The following HMG20A variants were observed in gnomAD, a reference collection of about 807,000 sequenced individuals.
HMG20A encodes high mobility group protein 20A.
In HMG20A, 17 loss-of-function variants were observed where a neutral mutation model predicts 43.9. The ratio of observed to expected loss-of-function variants is 0.39; its 90% confidence interval spans 0.27 to 0.58. The LOEUF is 0.58. HMG20A is among the 20% of genes least tolerant of loss of function. The pLI is 0.59. For synonymous variants in HMG20A, 132 were observed against 147.5 expected, an observed-to-expected ratio of 0.89 and a Z score of 0.76; for missense variants, 341 against 438.2, an observed-to-expected ratio of 0.78 and a Z score of 1.98.
chr15:77,466,289 G>A (rs2072755896), intron 3 of HMG20A, among the ~76,000 whole-genome samples: 1 of 152,158 alleles, frequency 6.6e-6, no homozygotes. Context: ...ACTAAGGCAG[G>A]AGAATCACTT....
chr15:77,480,340 A>G (rs2072894991), intron 9 of HMG20A, among the ~76,000 whole-genome samples: 1 of 151,416 alleles, frequency 6.6e-6, no homozygotes, highest in Admixed American at 6.6e-5. Context: ...TTGGTGGGGC[A>G]CAGTGGCTCA....
chr15:77,443,410 A>ATT, intron 1 of HMG20A, among the ~76,000 whole-genome samples: 1 of 145,254 alleles, frequency 6.9e-6, no homozygotes, highest in Non-Finnish European at 1.5e-5. Context: ...TATTATTATT[A>ATT]AGTTAGGGTC....
chr15:77,480,427 A>T (rs2072895840), intron 9 of HMG20A, among the ~76,000 whole-genome samples: 1 of 152,010 alleles, frequency 6.6e-6, no homozygotes, highest in African/African-American at 2.4e-5. Context: ...CTTGGGCAAA[A>T]TAGTGAGACC....
chr15:77,429,047 T>G (rs2073456432), intron 1 of HMG20A, among the ~76,000 whole-genome samples: 1 of 152,164 alleles, frequency 6.6e-6, no homozygotes, highest in East Asian at 1.9e-4. Flanking sequence ...TGTATAATTT[T>G]TAAATAATAT....
rs1456598159 is a variant in HMG20A, at chr15:77,477,636, T to C, written c.691+6T>C. The C allele has an allele frequency of 1.3e-6, 2 of 1,586,958 alleles. No homozygotes were observed. The highest frequency in any genetic ancestry group is 1.7e-6 in the Non-Finnish European group (2 of 1,160,466). ...ATTCTTGAACCATAGCAAAGGTGAT[T>C]ACTGAAGTTTCTTTTTGTGTTTCTC... On this transcript the variant is annotated splice_donor_region_variant and intron_variant, in intron 7 of 9. Transcript: ENST00000336216.
the HMG20A span, among the ~76,000 whole-genome samples, chr15:77,493,412 T>C: frequency 6.6e-6 from 1 of 151,820 alleles, no homozygotes; most frequent in Non-Finnish European, 1.5e-5. Context: ...AGCAGGGAAA[T>C]GTAGGGGAAA....
downstream of HMG20A, among the ~76,000 whole-genome samples, chr15:77,489,559 T>C (rs1273163283): frequency 6.6e-6 from 1 of 152,200 alleles, no homozygotes; most frequent in Admixed American, 6.5e-5. Context: ...CTAGTCCCCA[T>C]AGAGCTCTTC....
At chr15:77,469,108 T>C (rs1484521282) in intron 4 of HMG20A, among the ~76,000 whole-genome samples, 2 of 152,032 alleles carry the variant, frequency 1.3e-5, no homozygotes, top group Non-Finnish European at 2.9e-5. Flanking sequence ...TGGTGGTGTG[T>C]TCTCAATATG....
intron 1 of HMG20A, among the ~76,000 whole-genome samples, chr15:77,440,422 G>A (rs927739299): frequency 6.6e-6 from 1 of 152,168 alleles, no homozygotes; most frequent in Non-Finnish European, 1.5e-5. Flanking sequence ...CTATAAATAA[G>A]TAGATAATGA....
chr15:77,494,573 C>A, the HMG20A span, among the ~76,000 whole-genome samples: 2 of 152,198 alleles, frequency 1.3e-5, no homozygotes, highest in Non-Finnish European at 2.9e-5. Context: ...GAGTCTGCCA[C>A]ATGAGATTTC....
At chr15:77,476,846 G>C (rs890459046) in intron 6 of HMG20A, among the ~76,000 whole-genome samples, 5 of 152,024 alleles carry the variant, frequency 3.3e-5, no homozygotes, top group African/African-American at 1.2e-4. Context: ...ATCTTGTGAG[G>C]CTTTTTTATT....
chr15:77,518,885 G>T, the HMG20A span, among the ~76,000 whole-genome samples: 1 of 152,168 alleles, frequency 6.6e-6, no homozygotes, highest in Non-Finnish European at 1.5e-5. Flanking sequence ...GCAGCTATTT[G>T]CATGACTATC....
chr15:77,515,271 G>A, the HMG20A span, among the ~76,000 whole-genome samples: 16 of 152,322 alleles, frequency 1.1e-4, no homozygotes, highest in Middle Eastern at 0.02. Flanking sequence ...CTTTTGTGAA[G>A]GAGGCAGCCG....
intron 1 of HMG20A, among the ~76,000 whole-genome samples, chr15:77,454,003 C>T (rs1374142941): frequency 7.0e-6 from 1 of 143,474 alleles, no homozygotes; most frequent in Non-Finnish European, 1.5e-5. Context: ...AACCCTATCT[C>T]TACAAAAAAA....
intron 1 of HMG20A, among the ~76,000 whole-genome samples, chr15:77,424,193 A>C (rs1191807847): frequency 6.6e-6 from 1 of 152,196 alleles, no homozygotes; most frequent in African/African-American, 2.4e-5. Context: ...AGCCATTCTA[A>C]ACCCAGATTT....
At position 77,461,361 on chromosome 15, in the gene HMG20A, A is replaced by C. The variant is rs544794605; in HGVS notation, c.89+2865A>C. Among the ~76,000 whole-genome samples the C allele has an allele frequency of 9.2e-5, 14 of 152,246 alleles. No homozygotes were observed. The South Asian group carries it at 2.7e-3, about 29-fold the overall frequency. ...GGGACCTTAACTGGAAGTGGGATGG[A>C]GTTTTTTTCTTTTCATTTTGTTTTG... is the stretch of plus-strand genomic sequence containing the variant. On this transcript the variant is annotated intron_variant, in intron 2 of 9. Transcript: ENST00000336216.
the HMG20A span, among the ~76,000 whole-genome samples, chr15:77,505,440 G>A: frequency 2.6e-5 from 4 of 152,276 alleles, no homozygotes; most frequent in South Asian, 2.1e-4. Flanking sequence ...TGGCAAGGTC[G>A]TGTAGGGACA....
chr15:77,449,677 A>C (rs1595919557), intron 1 of HMG20A, among the ~76,000 whole-genome samples: 1 of 152,300 alleles, frequency 6.6e-6, no homozygotes, highest in South Asian at 2.1e-4. Context: ...TTAGATTCAC[A>C]ACAAAAATGA....
At chr15:77,471,839 C>T (rs1567405441) in intron 6 of HMG20A, 25 bp downstream of exon 6, 9 of 1,309,118 alleles carry the variant, frequency 6.9e-6, no homozygotes, top group African/African-American at 1.5e-5. Flanking sequence ...GTCTACATAT[C>T]ATATATATGT....
Sources: gnomAD v4.1 joint callset for allele counts (sites outside exome capture counted in the v4.1 genomes callset) on GRCh38, gnomAD v4.1.1 for gene constraint, MANE v1.5 for transcripts, NCBI Gene and HGNC (gene_info 2026-07-23, HGNC 2026-07-21) for gene names.